PIGF: variants seen among roughly 807,000 people sequenced by gnomAD.
PIGF encodes phosphatidylinositol glycan anchor biosynthesis class F.
In PIGF, 23 loss-of-function variants were observed where a neutral mutation model predicts 26.0. That is an observed-to-expected ratio of 0.88 (90% CI 0.64 to 1.25). The LOEUF (loss-of-function observed/expected upper bound fraction) is 1.25. Ranked by LOEUF, PIGF falls within the 50% of genes most tolerant of loss-of-function variation. PIGF has a pLI of 0.00. For synonymous variants in PIGF, 93 were observed against 92.6 expected, an observed-to-expected ratio of 1.00 and a Z score of -0.03; for missense variants, 278 against 249.9, an observed-to-expected ratio of 1.11 and a Z score of -0.76.
intron 4 of PIGF, among the ~76,000 whole-genome samples, chr2:46,601,623 A>C (rs1011374359): frequency 3.3e-5 from 5 of 152,120 alleles, no homozygotes; most frequent in African/African-American, 1.2e-4. Context: ...CTGAATATTA[A>C]AACAAATGCC....
intron 4 of PIGF, 83 bp downstream of exon 4, chr2:46,612,145 T>C (rs1670440364): frequency 4.5e-6 from 2 of 449,230 alleles, no homozygotes; most frequent in South Asian, 6.1e-5. Context: ...CTCAGAATAA[T>C]CAGCAAACTG....
chr2:46,591,748 AC>A, intron 5 of PIGF: 1 of 1,160,644 alleles, frequency 8.6e-7, no homozygotes, highest in South Asian at 1.6e-5. Flanking sequence ...AATGTTACAT[AC>A]CCTCTAGGTG....
At chr2:46,591,403 T>C (rs933590961) in intron 5 of PIGF, 1 of 342,276 alleles carries the variant, frequency 2.9e-6, no homozygotes, top group African/African-American at 2.2e-5. Context: ...TTCCTTAGAA[T>C]TACTAATATT....
intron 2 of PIGF, chr2:46,613,998 G>A (rs953573993): frequency 1.3e-4 from 59 of 462,188 alleles, no homozygotes; most frequent in Non-Finnish European, 1.9e-4. Flanking sequence ...ACCACCTTCC[G>A]CCCATATTCT....
intron 4 of PIGF, among the ~76,000 whole-genome samples, chr2:46,596,155 C>T (rs1011833582): frequency 2.7e-5 from 4 of 149,022 alleles, no homozygotes; most frequent in Non-Finnish European, 4.4e-5. Context: ...CGGAGGTTGT[C>T]GTGAGCCGAG....
At chr2:46,584,767 A>G (rs1173304485) in intron 5 of PIGF, among the ~76,000 whole-genome samples, 1 of 152,086 alleles carries the variant, frequency 6.6e-6, no homozygotes, top group Non-Finnish European at 1.5e-5. Context: ...TAACCCTGTC[A>G]TTTTTTTAAA....
chr2:46,593,644 A>T (rs1170106387), intron 4 of PIGF, among the ~76,000 whole-genome samples: 1 of 152,216 alleles, frequency 6.6e-6, no homozygotes, highest in African/African-American at 2.4e-5. Context: ...TGGCCCTCAT[A>T]GGGTGAACAC....
At chr2:46,615,401 C>G (rs1248419162) in intron 1 of PIGF, 3 of 349,294 alleles carry the variant, frequency 8.6e-6, no homozygotes, top group African/African-American at 6.2e-5. Context: ...CTCTCAGAGC[C>G]TAAAAAGAAC....
chr2:46,603,896 A>G (rs916060331), intron 4 of PIGF, among the ~76,000 whole-genome samples: 2 of 152,144 alleles, frequency 1.3e-5, no homozygotes, highest in African/African-American at 4.8e-5. Flanking sequence ...ACAGCAAAAG[A>G]AACAATCAAG....
chr2:46,616,864 G>A (rs1476450545), intron 1 of PIGF, 106 bp downstream of exon 1: 2 of 309,690 alleles, frequency 6.5e-6, no homozygotes, highest in Non-Finnish European at 1.2e-5. Context: ...AGCTGACGGC[G>A]AGCGCCGGCG....
chr2:46,591,450 G>T, intron 5 of PIGF: 1 of 601,346 alleles, frequency 1.7e-6, no homozygotes, highest in Non-Finnish European at 2.1e-6. Flanking sequence ...TTATCTTCGT[G>T]ATCAGAAAAA....
chr2:46,612,028 C>T (rs1350692819), intron 4 of PIGF, among the ~76,000 whole-genome samples, 200 bp downstream of exon 4: 1 of 151,352 alleles, frequency 6.6e-6, no homozygotes, highest in African/African-American at 2.4e-5. Context: ...GAGAGCTGAT[C>T]TTGCTAACGT....
intron 5 of PIGF, among the ~76,000 whole-genome samples, chr2:46,583,303 TG>T (rs1669463854): frequency 6.6e-6 from 1 of 152,196 alleles, no homozygotes; most frequent in African/African-American, 2.4e-5. Context: ...GACTGGGATT[TG>T]GTTTCCTCAT....
chr2:46,617,007 C>A lies in PIGF; in HGVS notation c.-59G>T, dbSNP rs374562794. On this transcript the variant is annotated 5_prime_UTR_variant, in exon 1 of 6. Transcript: ENST00000281382. ...CCCGCGGAAGGGAAGCGGGGAACTA[C>A]TGCCTCCTACCATCAGGTACGACGG... The A allele has an allele frequency of 1.8e-6, 1 of 569,940 alleles. No individual in the cohort carries two copies. The allele number at this position is 569,940 out of a possible 1,614,324, so 35.3% of individuals were successfully genotyped here.
chr2:46,599,537 T>C (rs560658149), intron 4 of PIGF, among the ~76,000 whole-genome samples: 3 of 152,334 alleles, frequency 2.0e-5, no homozygotes, highest in Middle Eastern at 3.4e-3. Flanking sequence ...CAAACCTTTC[T>C]TCCATGCTAA....
intron 3 of PIGF, 86 bp downstream of exon 3, chr2:46,613,608 T>C (rs963534060): frequency 1.1e-6 from 1 of 945,452 alleles, no homozygotes; most frequent in Admixed American, 3.3e-5. Context: ...CACATCATGG[T>C]TTTTCTCTAG....
chr2:46,609,956 G>A (rs1670357676), intron 4 of PIGF, among the ~76,000 whole-genome samples: 1 of 152,184 alleles, frequency 6.6e-6, no homozygotes, highest in Non-Finnish European at 1.5e-5. Context: ...ACATTTGCTT[G>A]ATGCAGGGTT....
intron 3 of PIGF, among the ~76,000 whole-genome samples, chr2:46,613,043 A>AATATATATATATATATATATATATATAT (rs140332220): frequency 6.7e-6 from 1 of 148,264 alleles, no homozygotes; most frequent in Non-Finnish European, 1.5e-5. Context: ...ACTATGTATA[A>AATATATATATATATATATATATATATAT]ATATATATAT....
intron 3 of PIGF, among the ~76,000 whole-genome samples, chr2:46,613,049 T>A (rs1400638079): frequency 6.6e-6 from 1 of 150,924 alleles, no homozygotes; most frequent in African/African-American, 2.4e-5. Context: ...TATAAATATA[T>A]ATATATATAT....
Sources: allele counts gnomAD v4.1 joint callset (sites outside exome capture counted in the v4.1 genomes callset), GRCh38; gene constraint gnomAD v4.1.1; transcripts MANE v1.5; gene names NCBI Gene and HGNC (gene_info 2026-07-23, HGNC 2026-07-21).